The following NAALADL2 variants were observed in gnomAD, a reference collection of about 807,000 sequenced individuals.
NAALADL2 encodes inactive N-acetylated-alpha-linked acidic dipeptidase-like protein 2.
A neutral mutation model predicts 87.2 loss-of-function variants in NAALADL2; 76 were observed. The observed-to-expected ratio is 0.87, with a 90% CI of 0.72 to 1.05. The LOEUF (loss-of-function observed/expected upper bound fraction) is 1.05. Ranked by LOEUF, NAALADL2 falls within the 50% of genes least tolerant of loss-of-function variation. The pLI, the probability that NAALADL2 is intolerant of heterozygous loss-of-function variation, is 0.00. For synonymous variants in NAALADL2, 354 were observed against 331.0 expected (o/e 1.07, Z -0.75); for missense variants, 1,089 against 945.8 (o/e 1.15, Z -1.99).
chr3:175,508,841 C>T (rs1056963156), intron 9 of NAALADL2, among the ~76,000 whole-genome samples: 3 of 152,012 alleles, frequency 2.0e-5, no homozygotes, highest in South Asian at 2.1e-4. Flanking sequence ...GAGGACTATG[C>T]GCGATGGCTC....
chr3:175,025,190 A>C (rs1202134828), intron 1 of NAALADL2, among the ~76,000 whole-genome samples: 1 of 152,126 alleles, frequency 6.6e-6, no homozygotes, highest in African/African-American at 2.4e-5. Context: ...GTGTGAACTA[A>C]AGTCTAGGTG....
chr3:175,733,147 T>A (rs962073041), intron 11 of NAALADL2, among the ~76,000 whole-genome samples: 5 of 152,212 alleles, frequency 3.3e-5, no homozygotes, highest in Non-Finnish European at 7.3e-5. Flanking sequence ...TTGAATTATA[T>A]TTTTTACGAC....
intron 1 of NAALADL2, among the ~76,000 whole-genome samples, chr3:174,442,316 C>T (rs1714716302): frequency 6.6e-6 from 1 of 152,062 alleles, no homozygotes; most frequent in Non-Finnish European, 1.5e-5. Flanking sequence ...ACCATTTTTT[C>T]CCACACCCCA....
intron 1 of NAALADL2, among the ~76,000 whole-genome samples, chr3:175,060,921 C>T (rs752169455): frequency 3.9e-5 from 6 of 152,078 alleles, no homozygotes; most frequent in Non-Finnish European, 8.8e-5. Flanking sequence ...GTGGCACATG[C>T]GGTAATCCCA....
intron 5 of NAALADL2, among the ~76,000 whole-genome samples, chr3:175,407,680 T>C (rs1712654488): frequency 6.6e-6 from 1 of 152,216 alleles, no homozygotes; most frequent in South Asian, 2.1e-4. Context: ...CGGACTGCAG[T>C]AGTCACAGAC....
At chr3:175,603,685 T>A (rs1028633365) in intron 10 of NAALADL2, among the ~76,000 whole-genome samples, 1 of 152,192 alleles carries the variant, frequency 6.6e-6, no homozygotes, top group African/African-American at 2.4e-5. Flanking sequence ...TTCCATTGCA[T>A]GTATAGGCTG....
At chr3:174,993,050 T>G (rs1399624790) in intron 1 of NAALADL2, among the ~76,000 whole-genome samples, 6 of 152,052 alleles carry the variant, frequency 3.9e-5, no homozygotes, top group Non-Finnish European at 8.8e-5. Flanking sequence ...ATGGAGGAGC[T>G]TCACAAAATG....
At chr3:175,136,280 G>T (rs1278099839) in intron 2 of NAALADL2, among the ~76,000 whole-genome samples, 1 of 152,170 alleles carries the variant, frequency 6.6e-6, no homozygotes, top group Non-Finnish European at 1.5e-5. Context: ...GTTTAGAGTT[G>T]ACTTGAGGGA....
At position 174,990,838 on chromosome 3, in the gene NAALADL2, G is replaced by A. The variant is rs965053014; in HGVS notation, c.44-105952G>A. On this transcript the variant is annotated intron_variant, in intron 1 of 13. Transcript: ENST00000454872. The stretch of plus-strand genomic sequence containing the variant: ...TGATTGGTCTGGGGTACATGGGACC[G>A]AGGTATCAGTATTGTTGACCTCTCT... 3.3e-5 allele frequency among the ~76,000 whole-genome samples: 5 copies of A among 152,216 alleles called. No individual in the cohort carries two copies. The East Asian group carries it at 5.8e-4, about 18-fold the overall frequency.
rs151336540 is a variant in NAALADL2, at chr3:175,201,941, A to G, written c.546-31990A>G. Among the ~76,000 whole-genome samples, 735 of 152,234 alleles carry G rather than the reference A, an allele frequency of 4.8e-3. 4 individuals are homozygous for G. Among genetic ancestry groups the G allele is most frequent in the African/African-American group, 0.017 (693 of 41,550 alleles). On this transcript the variant is annotated intron_variant, in intron 2 of 13. Coordinates refer to ENST00000454872, the MANE Select transcript of NAALADL2 (RefSeq NM_207015.3). ...AGAATACACTTGATTTTATCAATGTATTTCTTAACTTTATGTATCACTTAC... is the reference window on the plus strand; with the variant it reads ...AGAATACACTTGATTTTATCAATGTGTTTCTTAACTTTATGTATCACTTAC...
intron 2 of NAALADL2, among the ~76,000 whole-genome samples, chr3:174,685,125 C>T (rs1054462580): frequency 1.1e-4 from 17 of 152,026 alleles, no homozygotes; most frequent in South Asian, 4.1e-4. Flanking sequence ...GTATATCCTA[C>T]GCTCAGATCT....
At chr3:174,474,713 C>T (rs576601943) in intron 1 of NAALADL2, among the ~76,000 whole-genome samples, 1 of 152,152 alleles carries the variant, frequency 6.6e-6, no homozygotes, top group South Asian at 2.1e-4. Context: ...TTCTGTTAGC[C>T]TTGCCATAAT....
chr3:175,331,530 G>A (rs190204994), intron 5 of NAALADL2, among the ~76,000 whole-genome samples: 1 of 152,216 alleles, frequency 6.6e-6, no homozygotes, highest in Non-Finnish European at 1.5e-5. Flanking sequence ...CACCTCAATA[G>A]ATACAGAAAG....
At chr3:175,571,725 A>G (rs1186031176) in intron 9 of NAALADL2, among the ~76,000 whole-genome samples, 1 of 152,190 alleles carries the variant, frequency 6.6e-6, no homozygotes. Flanking sequence ...ATGAAGATTT[A>G]GAGAATAGTG....
Position 174,498,625 on chromosome 3 carries a change from C to CAT in NAALADL2, c.-183-51934_-183-51933dup, listed in dbSNP as rs568376499. On this transcript the variant is annotated intron_variant, in intron 1 of 3. Coordinates refer to the NAALADL2 transcript ENST00000434257. ...CTTTAAAAGATAAACTATATATAAA[C>CAT]ATATATATATAATATATATGTTTAT... 5.3e-3 allele frequency among the ~76,000 whole-genome samples: 790 copies of CAT among 149,682 alleles called. 8 individuals carry two copies. The highest frequency in any genetic ancestry group is 0.018 in the African/African-American group (739 of 41,020).
intron 2 of NAALADL2, among the ~76,000 whole-genome samples, chr3:174,572,490 A>G (rs1715047476): frequency 6.6e-6 from 1 of 152,216 alleles, no homozygotes; most frequent in Non-Finnish European, 1.5e-5. Context: ...CAAGACGAAG[A>G]TGCAGTAATC....
At chr3:174,474,338 G>T (rs537594234) in intron 1 of NAALADL2, among the ~76,000 whole-genome samples, 1 of 151,988 alleles carries the variant, frequency 6.6e-6, no homozygotes, top group African/African-American at 2.4e-5. Context: ...ATAATGTTTC[G>T]GAGTTTGAAA....
chr3:175,475,159 T>G (rs550786030), intron 9 of NAALADL2, among the ~76,000 whole-genome samples: 47 of 152,002 alleles, frequency 3.1e-4, no homozygotes, highest in African/African-American at 1.1e-3. Flanking sequence ...GCACCTCTGA[T>G]TGAGTAGAGA....
intron 2 of NAALADL2, among the ~76,000 whole-genome samples, chr3:174,720,021 C>T (rs960219093): frequency 6.6e-6 from 1 of 151,836 alleles, no homozygotes; most frequent in Non-Finnish European, 1.5e-5. Context: ...AGGATGGTCT[C>T]GCTCTCTTGA....
Sources: gnomAD v4.1 joint callset for allele counts (sites outside exome capture counted in the v4.1 genomes callset) on GRCh38, gnomAD v4.1.1 for gene constraint, MANE v1.5 for transcripts, NCBI Gene and HGNC (gene_info 2026-07-23, HGNC 2026-07-21) for gene names.